The following IMMP2L variants were observed in gnomAD, a reference collection of about 807,000 sequenced individuals.
IMMP2L encodes the protein mitochondrial inner membrane protease subunit 2.
In IMMP2L, 18 loss-of-function variants were observed where a neutral mutation model predicts 19.3. The ratio of observed to expected loss-of-function variants is 0.93; its 90% CI spans 0.64 to 1.38. The LOEUF is 1.38. Ranked by LOEUF, IMMP2L falls within the 40% of genes most tolerant of loss-of-function variation. The pLI is 0.00. For synonymous variants in IMMP2L, 76 were observed against 73.0 expected, an observed-to-expected ratio of 1.04 and a Z score of -0.21; for missense variants, 233 against 218.2, an observed-to-expected ratio of 1.07 and a Z score of -0.43.
chr7:111,046,074 A>G (rs1792363355), intron 3 of IMMP2L, among the ~76,000 whole-genome samples: 1 of 152,220 alleles, frequency 6.6e-6, no homozygotes, highest in Non-Finnish European at 1.5e-5. Flanking sequence ...AAAAGTTTAC[A>G]AACTCAAAAA....
At chr7:110,989,867 T>G (rs1440956678) in intron 3 of IMMP2L, among the ~76,000 whole-genome samples, 1 of 151,942 alleles carries the variant, frequency 6.6e-6, no homozygotes, top group Admixed American at 6.6e-5. Context: ...CACCTACTTT[T>G]ATTGGAATAT....
intron 2 of IMMP2L, among the ~76,000 whole-genome samples, chr7:111,491,664 G>A (rs1843116453): frequency 6.6e-6 from 1 of 152,026 alleles, no homozygotes; most frequent in Non-Finnish European, 1.5e-5. Context: ...ATTATTAAAA[G>A]GTGAGCTTTC....
rs7797383 is a variant in IMMP2L, at chr7:111,357,782, A to C, written c.239+129456T>G. Among the ~76,000 whole-genome samples, 336 of 152,224 alleles carry C rather than the reference A, an allele frequency of 2.2e-3. 2 individuals are homozygous for C. Among genetic ancestry groups the C allele is most frequent in the African/African-American group, 6.4e-3 (264 of 41,566 alleles). On this transcript the variant is annotated intron_variant, in intron 3 of 5. Coordinates refer to ENST00000405709, the MANE Select transcript of IMMP2L (RefSeq NM_032549.4). ...CCCTAAGCAACATGAGTCATCATGA[A>C]GAAATTATATATATATATACTTATC...
intron 3 of IMMP2L, among the ~76,000 whole-genome samples, chr7:110,990,444 C>T (rs890464072): frequency 6.6e-6 from 1 of 152,138 alleles, no homozygotes; most frequent in Non-Finnish European, 1.5e-5. Flanking sequence ...AGAGATAGCA[C>T]CATTCTTCTA....
intron 3 of IMMP2L, among the ~76,000 whole-genome samples, chr7:111,050,933 T>G (rs1444128513): frequency 6.6e-6 from 1 of 152,204 alleles, no homozygotes; most frequent in Non-Finnish European, 1.5e-5. Context: ...CTGAATGAGC[T>G]AATTACAGGA....
At chr7:111,279,095 T>C (rs1004162388) in intron 3 of IMMP2L, among the ~76,000 whole-genome samples, 2 of 152,188 alleles carry the variant, frequency 1.3e-5, no homozygotes, top group African/African-American at 4.8e-5. Context: ...AAAAACATTA[T>C]TGTATTTGAT....
intron 1 of IMMP2L, 75 bp downstream of exon 1, chr7:111,561,776 T>C (rs1585710708): frequency 6.5e-6 from 1 of 152,800 alleles, no homozygotes; most frequent in Non-Finnish European, 1.5e-5. Flanking sequence ...GTTCTGGACA[T>C]CTAGCCCTTC....
chr7:110,958,516 G>C (rs1178029934), intron 4 of IMMP2L, among the ~76,000 whole-genome samples: 5 of 152,038 alleles, frequency 3.3e-5, no homozygotes, highest in Non-Finnish European at 7.4e-5. Context: ...CAGTTTTATT[G>C]AAATGTTTTT....
chr7:111,479,886 C>T (rs1842032805), intron 3 of IMMP2L, among the ~76,000 whole-genome samples: 1 of 151,858 alleles, frequency 6.6e-6, no homozygotes, highest in Admixed American at 6.6e-5. Context: ...TGAGCAGAAG[C>T]TATGTATAAC....
chr7:110,953,056 G>C (rs1817995504), intron 4 of IMMP2L, among the ~76,000 whole-genome samples: 1 of 152,038 alleles, frequency 6.6e-6, no homozygotes, highest in Non-Finnish European at 1.5e-5. Context: ...TAGTGTAACA[G>C]ATATGGGGAA....
chr7:111,384,838 A>G (rs554268396), intron 3 of IMMP2L, among the ~76,000 whole-genome samples: 1 of 152,278 alleles, frequency 6.6e-6, no homozygotes, highest in East Asian at 1.9e-4. Context: ...TTAACTGGAT[A>G]AAGTTAGGAA....
At chr7:111,237,090 AAAT>A (rs1229460625) in intron 3 of IMMP2L, among the ~76,000 whole-genome samples, 7 of 152,210 alleles carry the variant, frequency 4.6e-5, no homozygotes, top group Admixed American at 2.0e-4. Flanking sequence ...AAAAAAGAAC[AAAT>A]AATACCCAAA....
chr7:111,341,351 A>T (rs1283644192), intron 3 of IMMP2L, among the ~76,000 whole-genome samples: 2 of 152,068 alleles, frequency 1.3e-5, no homozygotes, highest in Non-Finnish European at 2.9e-5. Context: ...TAATGGAGGG[A>T]AACAGAAAAT....
At chr7:110,933,377 T>C (rs2129551998) in intron 4 of IMMP2L, among the ~76,000 whole-genome samples, 1 of 152,300 alleles carries the variant, frequency 6.6e-6, no homozygotes, top group Middle Eastern at 3.4e-3. Context: ...GGTTTGTTTT[T>C]CCACTTTCTT....
intron 3 of IMMP2L, among the ~76,000 whole-genome samples, chr7:111,055,314 A>T (rs946816346): frequency 6.6e-6 from 1 of 152,130 alleles, no homozygotes; most frequent in African/African-American, 2.4e-5. Context: ...AAGTGCTAAG[A>T]TTATAGGCGT....
chr7:110,676,323 A>G (rs1792294460), intron 5 of IMMP2L, among the ~76,000 whole-genome samples: 2 of 152,258 alleles, frequency 1.3e-5, no homozygotes, highest in South Asian at 4.1e-4. Context: ...ACAGGCATGG[A>G]CAATATGTTA....
chr7:110,861,713 C>A (rs1388770212), intron 5 of IMMP2L, among the ~76,000 whole-genome samples: 1 of 146,418 alleles, frequency 6.8e-6, no homozygotes, highest in Non-Finnish European at 1.5e-5. Flanking sequence ...ACTGAAAGGT[C>A]CCAAAAGCCT....
chr7:110,871,811 T>G (rs942945379), intron 5 of IMMP2L, among the ~76,000 whole-genome samples: 6 of 152,192 alleles, frequency 3.9e-5, no homozygotes, highest in Non-Finnish European at 7.3e-5. Context: ...TTTTTAAGTA[T>G]GAAATACTAT....
chr7:111,287,051 A>G (rs2130778340), intron 3 of IMMP2L, among the ~76,000 whole-genome samples: 1 of 152,332 alleles, frequency 6.6e-6, no homozygotes, highest in South Asian at 2.1e-4. Context: ...ACTATGAACC[A>G]TAAAATATCA....
Sources: gnomAD v4.1 joint callset for allele counts (sites outside exome capture counted in the v4.1 genomes callset) on GRCh38, gnomAD v4.1.1 for gene constraint, MANE v1.5 for transcripts, NCBI Gene and HGNC (gene_info 2026-07-23, HGNC 2026-07-21) for gene names.